The following MRPL43 variants were observed in gnomAD, a reference collection of about 807,000 sequenced individuals.
The protein encoded by MRPL43 is mitochondrial ribosomal protein L43.
A neutral mutation model predicts 12.7 loss-of-function variants in MRPL43; 9 were observed. That is an observed-to-expected ratio of 0.71 (90% CI 0.43 to 1.24). MRPL43 has a LOEUF of 1.24. Among genes scored for constraint, MRPL43 ranks in the 50% most tolerant of loss-of-function variants. MRPL43 has a pLI of 0.00. For synonymous variants in MRPL43, 116 were observed against 96.4 expected (o/e 1.20, Z -1.19); for missense variants, 211 against 229.2 (o/e 0.92, Z 0.51).
downstream of MRPL43, chr10:100,980,533 C>T: frequency 6.6e-7 from 1 of 1,525,822 alleles, no homozygotes; most frequent in Non-Finnish European, 9.1e-7. Flanking sequence ...GTGCTGAGAG[C>T]AGATCCCATA....
downstream of MRPL43, chr10:100,979,007 C>T (rs888912092): frequency 5.6e-6 from 9 of 1,613,932 alleles, no homozygotes; most frequent in South Asian, 1.1e-5. Context: ...CCGTGTGGCT[C>T]GTGTCTGCAA....
chr10:100,980,773 T>C (rs1262923853), downstream of MRPL43: 2 of 1,599,330 alleles, frequency 1.3e-6, no homozygotes, highest in African/African-American at 2.7e-5. Context: ...AGGCTGTGTA[T>C]CTGTATGAGT....
chr10:100,984,391 A>G, downstream of MRPL43: 1 of 1,451,988 alleles, frequency 6.9e-7, no homozygotes, highest in Non-Finnish European at 9.0e-7. Context: ...TGCCCTGCAG[A>G]CCCAGAGCCA....
Position 100,986,973 on chromosome 10 carries a change from T to G in MRPL43, c.241A>C (p.Asn81His), listed in dbSNP as rs1590011916. The G allele has an allele frequency of 3.5e-5, 57 of 1,606,108 alleles. 1 individual carries two copies. In the East Asian group the frequency reaches 1.3e-3, roughly 36 times the overall value. ...CVPRVVAEYLNGAVREESIHC... is the reference protein window; with the variant it reads ...CVPRVVAEYLHGAVREESIHC... Reference sequence around the variant, plus strand: ...ATGCTCTCCTCGCGCACAGCCCCGTTAACTGGCAGAAGAGGGGTGAGAGTG... The same window carrying G: ...ATGCTCTCCTCGCGCACAGCCCCGTGAACTGGCAGAAGAGGGGTGAGAGTG... Residue 81 changes from asparagine (N) to histidine (H), a missense_variant and splice_region_variant, in exon 3 of 3, where the codon AAC (asparagine) becomes CAC (histidine). Physicochemically the swap from Asn to His is moderately conservative, Grantham distance 68. Coordinates refer to ENST00000318364, the MANE Select transcript of MRPL43 (RefSeq NM_032112.3).
chr10:100,978,736 G>A (rs1458320654), downstream of MRPL43: 4 of 1,556,872 alleles, frequency 2.6e-6, no homozygotes, highest in Non-Finnish European at 3.5e-6. Context: ...CAAATCCCCA[G>A]GTGAGCCTGT....
chr10:100,978,861 T>TG, downstream of MRPL43: 1 of 1,613,946 alleles, frequency 6.2e-7, no homozygotes, highest in Non-Finnish European at 8.5e-7. Flanking sequence ...GCGGAGTTTG[T>TG]GTTCTCCGTC....
At chr10:100,980,517 T>C, downstream of MRPL43, 6 of 1,487,514 alleles carry the variant, frequency 4.0e-6, no homozygotes, top group Non-Finnish European at 5.6e-6. Flanking sequence ...TTAGGCCTCT[T>C]GCAGGGTGCT....
At chr10:100,979,466 T>C, downstream of MRPL43, 1 of 1,408,832 alleles carries the variant, frequency 7.1e-7, no homozygotes, top group South Asian at 1.4e-5. Flanking sequence ...CACTGCAATC[T>C]CCGCCTCCCG....
downstream of MRPL43, chr10:100,978,853 G>A (rs145899563): frequency 2.6e-5 from 42 of 1,613,690 alleles, no homozygotes; most frequent in African/African-American, 1.3e-4. Flanking sequence ...CCACAGATGC[G>A]GAGTTTGTGT....
At chr10:100,984,249 A>C, downstream of MRPL43, 1 of 1,447,856 alleles carries the variant, frequency 6.9e-7, no homozygotes, top group Non-Finnish European at 9.0e-7. Context: ...CCTTCTCCCA[A>C]CTTTTTGATG....
chr10:100,987,098 GC>G lies in MRPL43; in HGVS notation c.229del (p.Ala77ProfsTer36), dbSNP rs1220321692. On this transcript the variant is annotated frameshift_variant, in exon 2 of 3. Transcript: ENST00000318364. LOFTEE classifies it high-confidence loss of function. ...SRPCCVPRVV[A>X]EYLNGAVREE... ...AGCCCGGCCCCACTCACGGTATTCG[GC>G]CACTACTCTGGGCACGCAGCACGGA... is the stretch of plus-strand genomic sequence containing the variant. The G allele has an allele frequency of 1.2e-6, 2 of 1,613,510 alleles. No individual in the cohort carries two copies. Among genetic ancestry groups the G allele is most frequent in the Non-Finnish European group, 1.7e-6 (2 of 1,180,024 alleles).
downstream of MRPL43, chr10:100,984,380 G>A: frequency 6.9e-7 from 1 of 1,448,908 alleles, no homozygotes; most frequent in Non-Finnish European, 9.0e-7. Context: ...TCAGGATCAG[G>A]TGCCCTGCAG....
downstream of MRPL43, chr10:100,981,038 TGGA>T: frequency 6.3e-7 from 1 of 1,595,534 alleles, no homozygotes; most frequent in Non-Finnish European, 8.5e-7. Flanking sequence ...GTGGTCTGAG[TGGA>T]GGAGGAAGGC....
chr10:100,980,141 G>A (rs774063487), downstream of MRPL43: 13 of 1,614,080 alleles, frequency 8.1e-6, no homozygotes, highest in African/African-American at 4.0e-5. Context: ...GATTCATTGC[G>A]CAGCCAAGGC....
chr10:100,979,491 T>C, downstream of MRPL43: 1 of 1,277,536 alleles, frequency 7.8e-7, no homozygotes, highest in Non-Finnish European at 1.1e-6. Context: ...CAAGTGATTA[T>C]CCTGCCTCGG....
downstream of MRPL43, chr10:100,983,796 C>T: frequency 6.2e-7 from 1 of 1,605,752 alleles, no homozygotes; most frequent in East Asian, 2.2e-5. Context: ...GGTGCAACTG[C>T]AGACAGTCTC....
At chr10:100,978,998 C>T (rs765262844), downstream of MRPL43, 19 of 1,614,024 alleles carry the variant, frequency 1.2e-5, no homozygotes, top group African/African-American at 5.3e-5. Flanking sequence ...CCGTGTGGCC[C>T]GTGTGGCTCG....
downstream of MRPL43, chr10:100,979,820 AC>A (rs772051424): frequency 1.1e-5 from 17 of 1,609,730 alleles, no homozygotes; most frequent in South Asian, 5.5e-5. Context: ...CATGTAACTC[AC>A]CCCCCTTGCC....
chr10:100,980,777 T>C (rs1282686538), downstream of MRPL43: 11 of 1,587,096 alleles, frequency 6.9e-6, no homozygotes, highest in East Asian at 2.3e-5. Flanking sequence ...TGTGTATCTG[T>C]ATGAGTGGGG....
Sources: allele counts gnomAD v4.1 joint callset, GRCh38; gene constraint gnomAD v4.1.1; transcripts MANE v1.5; gene names NCBI Gene and HGNC (gene_info 2026-07-23, HGNC 2026-07-21).